Variants in STXBP4 observed in about 807,000 individuals in gnomAD.
The protein encoded by STXBP4 is syntaxin binding protein 4, also known as syntaxin-binding protein 4.
A neutral mutation model predicts 76.1 loss-of-function variants in STXBP4; 55 were observed. The ratio of observed to expected loss-of-function variants is 0.72; its 90% CI spans 0.58 to 0.91. The LOEUF is 0.91. Ranked by LOEUF, STXBP4 falls within the 40% of genes least tolerant of loss-of-function variation. The pLI is 0.00. For missense variants in STXBP4, 618 were observed against 636.9 expected (o/e 0.97, Z 0.32); for synonymous variants, 201 against 220.2 (o/e 0.91, Z 0.77).
intron 16 of STXBP4, among the ~76,000 whole-genome samples, chr17:55,108,815 A>G (rs971961962): frequency 2.0e-5 from 3 of 152,038 alleles, no homozygotes; most frequent in African/African-American, 7.2e-5. Context: ...TTCTGCATTG[A>G]TCTCGCTGGG....
chr17:55,042,238 G>A (rs2078712635), intron 10 of STXBP4, among the ~76,000 whole-genome samples: 1 of 152,070 alleles, frequency 6.6e-6, no homozygotes, highest in Non-Finnish European at 1.5e-5. Flanking sequence ...TGATTTGTGG[G>A]ACTCTTGGAA....
intron 4 of STXBP4, among the ~76,000 whole-genome samples, chr17:54,998,931 A>G (rs2077860472): frequency 6.6e-6 from 1 of 152,082 alleles, no homozygotes; most frequent in Non-Finnish European, 1.5e-5. Context: ...TGGTGGGAGG[A>G]CATATGTAGG....
At chr17:54,986,783 A>C (rs1373533331) in intron 3 of STXBP4, among the ~76,000 whole-genome samples, 1 of 152,212 alleles carries the variant, frequency 6.6e-6, no homozygotes, top group Non-Finnish European at 1.5e-5. Context: ...CTGACTAACA[A>C]ACCACCCTAA....
At chr17:55,012,825 G>A (rs2078138434) in intron 8 of STXBP4, among the ~76,000 whole-genome samples, 1 of 152,136 alleles carries the variant, frequency 6.6e-6, no homozygotes, top group Non-Finnish European at 1.5e-5. Flanking sequence ...TTGAGGTCAG[G>A]ATCAGTCAAG....
At chr17:55,071,302 A>C (rs963254909) in intron 12 of STXBP4, among the ~76,000 whole-genome samples, 1 of 151,806 alleles carries the variant, frequency 6.6e-6, no homozygotes, top group Non-Finnish European at 1.5e-5. Flanking sequence ...ACTTCACTCT[A>C]CCTCCATCCC....
chr17:55,186,799 C>T, the STXBP4 span, among the ~76,000 whole-genome samples: 1 of 152,046 alleles, frequency 6.6e-6, no homozygotes, highest in Non-Finnish European at 1.5e-5. Context: ...ATCATTAGTC[C>T]CCAATAAATA....
intron 7 of STXBP4, among the ~76,000 whole-genome samples, chr17:55,001,882 T>A (rs558168446): frequency 2.0e-5 from 3 of 152,310 alleles, no homozygotes; most frequent in Admixed American, 6.5e-5. Flanking sequence ...TCTGCCTGCC[T>A]TGGCCTCCCA....
rs77708278 is a variant in STXBP4, at chr17:55,008,210, C to CTT, written c.666+624_666+625dup. Among the ~76,000 whole-genome samples the CTT allele has an allele frequency of 1.4e-3, 205 of 145,638 alleles. 1 individual carries two copies. Among genetic ancestry groups the CTT allele is most frequent in the African/African-American group, 4.9e-3 (196 of 39,968 alleles). On this transcript the variant is annotated intron_variant, in intron 8 of 17. Coordinates refer to ENST00000376352, the MANE Select transcript of STXBP4 (RefSeq NM_178509.6). ...GGGATCTGAAGGGAAAAATAAGCCCCTTTTTTTTTTTTGATGTAAAATGGA... is the reference window on the plus strand; with the variant it reads ...GGGATCTGAAGGGAAAAATAAGCCCCTTTTTTTTTTTTTTGATGTAAAATGGA...
At chr17:54,997,044 G>A (rs1011435376) in intron 4 of STXBP4, among the ~76,000 whole-genome samples, 12 of 152,294 alleles carry the variant, frequency 7.9e-5, no homozygotes, top group Admixed American at 7.2e-4. Flanking sequence ...TAGTTGCTCT[G>A]TAACTGCTGA....
Position 55,163,923 on chromosome 17 carries a change from TAAA to T in STXBP4, c.*4013_*4015del, listed in dbSNP as rs770746529. On this transcript the variant is annotated 3_prime_UTR_variant, in exon 18 of 18. Transcript: ENST00000376352. The stretch of plus-strand genomic sequence containing the variant: ...AATATAGAGTCAAGTGATACTTTCA[TAAA>T]GTGTTTGCACAATTAGAAAATGTTA... 2 of 152,660 alleles carry T rather than the reference TAAA, an allele frequency of 1.3e-5. No homozygotes were observed. The highest frequency in any genetic ancestry group is 2.1e-4 in the South Asian group (1 of 4,824). 9.5% of individuals were successfully genotyped at this position (152,660 alleles called of 1,614,324 possible).
chr17:55,119,823 A>G (rs1202683156), intron 16 of STXBP4, among the ~76,000 whole-genome samples: 3 of 152,012 alleles, frequency 2.0e-5, no homozygotes, highest in African/African-American at 7.2e-5. Flanking sequence ...ATATTAGTTA[A>G]TTCCTTTCCT....
In STXBP4 at chr17:55,108,462, A is replaced by T. The variant is rs2079664017; in HGVS notation, c.1489+27279A>T. On this transcript the variant is annotated intron_variant, in intron 16 of 17. Transcript: ENST00000376352. The stretch of plus-strand genomic sequence containing the variant: ...CCAGCTGCCATTGGGGTGTGAAAAA[A>T]AACTCCTGCAACTAGCTCAGTGTCT... 2.0e-5 allele frequency among the ~76,000 whole-genome samples: 3 copies of T among 152,086 alleles called. 1 individual carries two copies. Among genetic ancestry groups the T allele is most frequent in the African/African-American group, 7.2e-5 (3 of 41,406 alleles).
intron 4 of STXBP4, among the ~76,000 whole-genome samples, chr17:54,992,705 CTTT>C (rs760386476): frequency 4.1e-5 from 4 of 96,840 alleles, no homozygotes; most frequent in African/African-American, 1.6e-4. Context: ...AATTTGCTTC[CTTT>C]TTTTTTTTTT....
chr17:55,194,175 A>C, the STXBP4 span, among the ~76,000 whole-genome samples: 1 of 152,170 alleles, frequency 6.6e-6, no homozygotes. Flanking sequence ...GAAAAAGGTC[A>C]TACAACTTGC....
At chr17:54,991,003 C>T in intron 4 of STXBP4, 46 bp downstream of exon 4, 1 of 1,468,692 alleles carries the variant, frequency 6.8e-7, no homozygotes. Context: ...CAAAAAGACC[C>T]ACCAGTGGTA....
At chr17:55,033,031 C>T (rs1333202427) in intron 9 of STXBP4, among the ~76,000 whole-genome samples, 2 of 151,948 alleles carry the variant, frequency 1.3e-5, no homozygotes, top group East Asian at 1.9e-4. Context: ...ATCAGACAAA[C>T]AGAAAAAAGG....
At chr17:55,059,447 A>G (rs1189834905) in intron 12 of STXBP4, among the ~76,000 whole-genome samples, 2 of 152,174 alleles carry the variant, frequency 1.3e-5, no homozygotes, top group Non-Finnish European at 2.9e-5. Context: ...CCAAAACAGT[A>G]AAGTCTTGTT....
intron 8 of STXBP4, among the ~76,000 whole-genome samples, chr17:55,024,938 C>A (rs928529513): frequency 6.6e-6 from 1 of 151,936 alleles, no homozygotes; most frequent in Non-Finnish European, 1.5e-5. Flanking sequence ...GAGATCGAAA[C>A]CATCCTGGCT....
At chr17:55,151,716 T>C (rs2080219494) in intron 17 of STXBP4, among the ~76,000 whole-genome samples, 1 of 152,330 alleles carries the variant, frequency 6.6e-6, no homozygotes, top group East Asian at 1.9e-4. Context: ...CTTACCATCA[T>C]ATTTATTTGT....
Sources: gnomAD v4.1 joint callset for allele counts (sites outside exome capture counted in the v4.1 genomes callset) on GRCh38, gnomAD v4.1.1 for gene constraint, MANE v1.5 for transcripts, NCBI Gene and HGNC (gene_info 2026-07-23, HGNC 2026-07-21) for gene names.